The following PKP4 variants were observed in gnomAD, a reference collection of about 807,000 sequenced individuals.
PKP4 encodes the protein plakophilin 4.
Under a neutral mutation model 145.1 loss-of-function variants are expected in PKP4, and 90 were observed. The ratio of observed to expected loss-of-function variants is 0.62; its 90% CI spans 0.52 to 0.74. The LOEUF is 0.74. Among genes scored for constraint, PKP4 ranks in the 30% least tolerant of loss-of-function variants. The probability of loss-of-function intolerance (pLI) is 0.00; values close to 1 mark genes in which losing one functional copy is unlikely to be tolerated. For synonymous variants in PKP4, 563 were observed against 577.2 expected (o/e 0.98, Z 0.35); for missense variants, 1,340 against 1,482.7 (o/e 0.90, Z 1.58).
At chr2:158,664,677 A>T (rs2056916747) in intron 15 of PKP4, among the ~76,000 whole-genome samples, 1 of 152,162 alleles carries the variant, frequency 6.6e-6, no homozygotes, top group African/African-American at 2.4e-5. Context: ...CGGTGTGGTT[A>T]TTTTGTTGTG....
intron 20 of PKP4, 140 bp from the exon 21 acceptor site, chr2:158,678,441 A>T: frequency 1.5e-6 from 1 of 670,000 alleles, no homozygotes; most frequent in Non-Finnish European, 2.7e-6. Flanking sequence ...CTGAGCTGCT[A>T]CCTCTCCCAG....
chr2:158,532,472 G>A (rs1054520837), intron 1 of PKP4, among the ~76,000 whole-genome samples: 5 of 152,176 alleles, frequency 3.3e-5, no homozygotes, highest in Non-Finnish European at 7.4e-5. Context: ...AGAGACTGAT[G>A]TGTAAATGAG....
chr2:158,483,114 C>T (rs1693614235), intron 1 of PKP4, among the ~76,000 whole-genome samples: 1 of 152,048 alleles, frequency 6.6e-6, no homozygotes, highest in African/African-American at 2.4e-5. Context: ...TTAAAAAAAT[C>T]AGTGTTTTGA....
At chr2:158,466,700 A>G (rs531930560) in intron 1 of PKP4, among the ~76,000 whole-genome samples, 1 of 152,342 alleles carries the variant, frequency 6.6e-6, no homozygotes, top group African/African-American at 2.4e-5. Flanking sequence ...GCGAAACTCC[A>G]TTTCAAAAAG....
Position 158,674,072 on chromosome 2 carries a change from TCAAA to T in PKP4, c.3127+75_3127+78del. The T allele has an allele frequency of 3.4e-6, 3 of 886,814 alleles. No homozygotes were observed. In the Admixed American group the frequency reaches 5.1e-5, roughly 15 times the overall value. 54.9% of individuals were successfully genotyped at this position (886,814 alleles called of 1,614,324 possible). ...AACATTGTTCCCCAGCCAGAGAAGATCAAACATAAGCTGGTTAAGCCTGTCATCT... is the reference window on the plus strand; with the variant it reads ...AACATTGTTCCCCAGCCAGAGAAGATCATAAGCTGGTTAAGCCTGTCATCT... On this transcript the variant is annotated intron_variant, in intron 19 of 21. Transcript: ENST00000389759.
intron 15 of PKP4, among the ~76,000 whole-genome samples, chr2:158,664,600 A>G (rs1309144561): frequency 6.6e-6 from 1 of 152,188 alleles, no homozygotes; most frequent in African/African-American, 2.4e-5. Flanking sequence ...AAGCCTAGGT[A>G]TGGTTTGTTT....
intron 1 of PKP4, among the ~76,000 whole-genome samples, chr2:158,505,803 G>C (rs753467467): frequency 1.3e-5 from 2 of 152,052 alleles, no homozygotes; most frequent in Non-Finnish European, 2.9e-5. Context: ...TGCAAGTGTA[G>C]AGGTAGTTGC....
intron 1 of PKP4, among the ~76,000 whole-genome samples, chr2:158,474,078 T>G (rs976131492): frequency 6.6e-6 from 1 of 152,194 alleles, no homozygotes; most frequent in Non-Finnish European, 1.5e-5. Flanking sequence ...AAACTACAAC[T>G]CAAAGATGAC....
At chr2:158,483,782 T>C (rs1693724575) in intron 1 of PKP4, among the ~76,000 whole-genome samples, 1 of 82,324 alleles carries the variant, frequency 1.2e-5, no homozygotes, top group South Asian at 7.1e-4. Flanking sequence ...TGGAATTATG[T>C]TCTGCTCTAA....
chr2:158,663,569 T>C, intron 15 of PKP4, 124 bp downstream of exon 15: 1 of 821,732 alleles, frequency 1.2e-6, no homozygotes, highest in South Asian at 1.8e-5. Context: ...GCTACTTAGC[T>C]TGTGTGTGAA....
At chr2:158,576,882 A>G (rs1397541853) in intron 2 of PKP4, among the ~76,000 whole-genome samples, 1 of 152,196 alleles carries the variant, frequency 6.6e-6, no homozygotes, top group African/African-American at 2.4e-5. Context: ...CTATGCTGAC[A>G]TATAGTATAA....
chr2:158,504,082 CTTG>C (rs949611389), intron 1 of PKP4, among the ~76,000 whole-genome samples: 1 of 143,622 alleles, frequency 7.0e-6, no homozygotes, highest in Non-Finnish European at 1.5e-5. Flanking sequence ...ACTTCCCTTT[CTTG>C]TTGTTCTCAT....
At chr2:158,523,675 A>G (rs2042657471) in intron 1 of PKP4, among the ~76,000 whole-genome samples, 1 of 134,892 alleles carries the variant, frequency 7.4e-6, no homozygotes, top group Non-Finnish European at 1.5e-5. Context: ...CAGACGATCA[A>G]ATTACTCTGA....
chr2:158,588,371 C>T (rs2048981635), intron 3 of PKP4: 3 of 152,094 alleles, frequency 2.0e-5, no homozygotes, highest in Admixed American at 6.6e-5. Context: ...TGAACAGGCT[C>T]TTTAATTTTT....
At chr2:158,554,966 T>G (rs2045965957) in intron 2 of PKP4, among the ~76,000 whole-genome samples, 1 of 136,632 alleles carries the variant, frequency 7.3e-6, no homozygotes, top group Non-Finnish European at 1.7e-5. Context: ...TTATTTGCTA[T>G]TTACTTGTTT....
chr2:158,603,624 G>C (rs2050408490), intron 4 of PKP4, among the ~76,000 whole-genome samples: 1 of 152,054 alleles, frequency 6.6e-6, no homozygotes, highest in Non-Finnish European at 1.5e-5. Flanking sequence ...TAAGGAGACT[G>C]TCTGTCACTT....
chr2:158,650,500 A>G (rs2055259210), intron 11 of PKP4, among the ~76,000 whole-genome samples: 1 of 152,214 alleles, frequency 6.6e-6, no homozygotes. Context: ...GACTCGGGCT[A>G]ACCCTTATAT....
intron 2 of PKP4, among the ~76,000 whole-genome samples, chr2:158,562,275 A>G (rs1328679676): frequency 6.6e-6 from 1 of 152,270 alleles, no homozygotes; most frequent in Admixed American, 6.5e-5. Context: ...TGACAGATGA[A>G]TGGATAAACA....
chr2:158,630,918 G>C (rs889680208), intron 7 of PKP4, among the ~76,000 whole-genome samples: 1 of 130,940 alleles, frequency 7.6e-6, no homozygotes, highest in African/African-American at 2.7e-5. Context: ...GCTGCCAAGA[G>C]AAAGTGTTTT....
Sources: gnomAD v4.1 joint callset for allele counts (sites outside exome capture counted in the v4.1 genomes callset) on GRCh38, gnomAD v4.1.1 for gene constraint, MANE v1.5 for transcripts, NCBI Gene and HGNC (gene_info 2026-07-23, HGNC 2026-07-21) for gene names.